The following NACA variants were observed in gnomAD, a reference collection of about 807,000 sequenced individuals.
NACA encodes the protein nascent polypeptide associated complex subunit alpha.
A neutral mutation model predicts 86.4 loss-of-function variants in NACA; 42 were observed. That is an observed-to-expected ratio of 0.49 (90% CI 0.38 to 0.63). The LOEUF is 0.63. Ranked by LOEUF, NACA falls within the 20% of genes least tolerant of loss-of-function variation. The pLI, the probability that NACA is intolerant of heterozygous loss-of-function variation, is 0.00. For synonymous variants in NACA, 898 were observed against 973.7 expected (o/e 0.92, Z 1.45); for missense variants, 2,157 against 2,483.6 (o/e 0.87, Z 2.80).
rs773393477 is a variant in NACA at position 56,717,657 on chromosome 12, A to C, written c.3873T>G (p.Val1291=). ...PPHKGAPNPA[V]VTPPSPKGGP... is the part of the protein sequence containing the mutation. ...CTCCTTTTGGAGAGGGAGGAGTTAC[A>C]ACTGCGGGATTGGGGGCCCCTTTGT... The change falls in exon 3 of 9, where the codon GTT becomes GTG. Residue 1291 remains valine, a synonymous_variant. Transcript: ENST00000454682. 4.2e-6 allele frequency: 5 copies of C among 1,182,760 alleles called. No individual in the cohort carries two copies. In the South Asian group the frequency reaches 1.1e-4, roughly 27 times the overall value. The allele number at this position is 1,182,760 out of a possible 1,614,324, so 73.3% of individuals were successfully genotyped here. A position where few individuals can be genotyped will look rare whatever the true frequency, so the allele number is the denominator to read the frequency against.
rs755445874 is a variant in NACA, at chr12:56,718,592, G to A, written c.2938C>T (p.Pro980Ser). The change falls in exon 3 of 9, where the codon CCA becomes TCA. Residue 980 changes from proline (P) to serine (S), a missense_variant. This residue lies in a region of NACA where 124 missense variants were observed against 186.5 expected (regional missense o/e 0.66). Coordinates refer to ENST00000454682, the MANE Select transcript of NACA (RefSeq NM_001365896.1). Reference protein sequence around the residue: ...PPSPKGGPATPSPKGAPTPPA... With the variant: ...PPSPKGGPATSSPKGAPTPPA... ...GGTGTGGGGGCCCCTTTGGGGGATG[G>A]AGTAGCTGGACCTCCTTTTGGGGAG... The A allele has an allele frequency of 1.3e-5, 17 of 1,315,006 alleles. No homozygotes were observed. Among genetic ancestry groups the A allele is most frequent in the Non-Finnish European group, 1.5e-5 (15 of 1,013,950 alleles). 81.5% of individuals were successfully genotyped at this position (1,315,006 alleles called of 1,614,324 possible).
chr12:56,721,305 C>T lies in NACA; in HGVS notation c.225G>A (p.Ser75=), dbSNP rs751815629. ...SPFPSPSTIA[S]TPLEVPFPQS... Reference sequence around the variant, plus strand: ...GGGGAAAAGGAACTTCTAAAGGGGTCGAGGCAATAGTAGAGGGGGAAGGGA... The same window carrying T: ...GGGGAAAAGGAACTTCTAAAGGGGTTGAGGCAATAGTAGAGGGGGAAGGGA... The change falls in exon 3 of 9, where the codon TCG becomes TCA. Residue 75 remains serine, a synonymous_variant. Transcript: ENST00000454682. The T allele has an allele frequency of 1.5e-5, 24 of 1,600,742 alleles. No homozygotes were observed. Among genetic ancestry groups the T allele is most frequent in the South Asian group, 8.9e-5 (8 of 89,708 alleles).
rs1020670499 is a variant in NACA, at chr12:56,721,340, C to A, written c.190G>T (p.Ala64Ser). ...GTAGAGGGGGAAGGGAATGGGGAAG[C>A]CTGGTTAGCAGCTGAGAGAGGGCAC... ...QQCPLSAANQASPFPSPSTIA... is the reference protein window; with the variant it reads ...QQCPLSAANQSSPFPSPSTIA... The change falls in exon 3 of 9, where the codon GCT becomes TCT. Residue 64 changes from alanine to serine, a missense_variant. This residue lies in a region of NACA where 947 missense variants were observed against 917.9 expected (regional missense o/e 1.03). Coordinates refer to ENST00000454682, the MANE Select transcript of NACA (RefSeq NM_001365896.1). The A allele has an allele frequency of 6.2e-7, 1 of 1,609,154 alleles. No individual in the cohort carries two copies. The highest frequency in any genetic ancestry group is 8.5e-7 in the Non-Finnish European group (1 of 1,178,102).
At chr12:56,722,809 G>C (rs568438540) in intron 2 of NACA, among the ~76,000 whole-genome samples, 4 of 141,908 alleles carry the variant, frequency 2.8e-5, no homozygotes, top group Non-Finnish European at 4.5e-5. Flanking sequence ...TGGCATGACA[G>C]TAAGACAGTA....
rs1266017039 is a variant in NACA at position 56,716,880 on chromosome 12, G to A, written c.4650C>T (p.Pro1550=). The part of the protein sequence containing the change: ...ATLAPKEALI[P]PAMTVPSPKK... ...TAGGGGAGGGAACAGTCATAGCTGGGGGAATGAGGGCCTCTTTGGGGGCTA... is the reference window on the plus strand; with the variant it reads ...TAGGGGAGGGAACAGTCATAGCTGGAGGAATGAGGGCCTCTTTGGGGGCTA... Residue 1550 remains proline (P), a synonymous_variant, in exon 3 of 9, where the codon CCC becomes CCT. Transcript: ENST00000454682. 1.5e-6 allele frequency: 2 copies of A among 1,318,910 alleles called. No individual in the cohort carries two copies. Among genetic ancestry groups the A allele is most frequent in the East Asian group, 3.3e-5 (1 of 30,628 alleles). 81.7% of individuals were successfully genotyped at this position (1,318,910 alleles called of 1,614,324 possible). A position where few individuals can be genotyped will look rare whatever the true frequency, so the allele number is the denominator to read the frequency against.
At chr12:56,723,393 G>T (rs968508268) in intron 2 of NACA, among the ~76,000 whole-genome samples, 3 of 152,162 alleles carry the variant, frequency 2.0e-5, no homozygotes, top group African/African-American at 7.2e-5. Flanking sequence ...GTTGTTCAAT[G>T]ACACAATCTC....
chr12:56,719,422 G>A lies in NACA; in HGVS notation c.2108C>T (p.Thr703Ile), dbSNP rs1472352074. 12 of 1,612,740 alleles carry A rather than the reference G, an allele frequency of 7.4e-6. No individual in the cohort carries two copies. Among genetic ancestry groups the A allele is most frequent in the Non-Finnish European group, 9.3e-6 (11 of 1,179,526 alleles). ...GTLTTLPLVP[T>I]ASENCPVAPS... ...AGCCACAGGGCAATTTTCTGAAGCT[G>A]TAGGAACCAAGGGTAAAGTAGTAAG... The change falls in exon 3 of 9, where the codon ACA (threonine) becomes ATA (isoleucine). Residue 703 changes from threonine to isoleucine, a missense_variant. By Grantham distance (89) the Thr-to-Ile change is moderately conservative. This residue lies in a region of NACA where 947 missense variants were observed against 917.9 expected (regional missense o/e 1.03). Transcript: ENST00000454682.
At position 56,719,696 on chromosome 12, in the gene NACA, GA is replaced by G; in HGVS notation, c.1833del (p.Leu612TrpfsTer9). The stretch of plus-strand genomic sequence containing the variant: ...ACAGAGGCCGAGGAGTTAACACCCA[GA>G]GGGGAGGTCATACTGCTGGCTGGCT... The part of the protein sequence containing the change: ...IGKPASSMTS[P>X]LGVNSSASVI... On this transcript the variant is annotated frameshift_variant, in exon 3 of 9. Coordinates refer to ENST00000454682, the MANE Select transcript of NACA (RefSeq NM_001365896.1). LOFTEE classifies it high-confidence loss of function. The G allele has an allele frequency of 6.2e-7, 1 of 1,613,934 alleles. No homozygotes were observed.
In NACA at chr12:56,720,343, G is replaced by A; in HGVS notation, c.1187C>T (p.Ser396Phe). ...AGAGGTAGCTACATTTAAGGAGCCA[G>A]AAGGGCTGCAGGTTATGCTAGAGAT... ...STISSITCSP[S>F]GSLNVATSFS... The change falls in exon 3 of 9, where the codon TCT becomes TTT. Residue 396 changes from serine to phenylalanine, a missense_variant. By Grantham distance (155) the Ser-to-Phe change is radical. This residue lies in a region of NACA where 947 missense variants were observed against 917.9 expected (regional missense o/e 1.03). Coordinates refer to ENST00000454682, the MANE Select transcript of NACA (RefSeq NM_001365896.1). 6.2e-7 allele frequency: 1 copy of A among 1,613,972 alleles called. No individual in the cohort carries two copies. The highest frequency in any genetic ancestry group is 8.5e-7 in the Non-Finnish European group (1 of 1,179,884).
Position 56,716,182 on chromosome 12 carries a change from G to A in NACA, c.5348C>T (p.Pro1783Leu). 6.2e-7 allele frequency: 1 copy of A among 1,613,732 alleles called. No homozygotes were observed. The highest frequency in any genetic ancestry group is 8.5e-7 in the Non-Finnish European group (1 of 1,179,872). Residue 1783 changes from proline (P) to leucine (L), a missense_variant, in exon 3 of 9, where the codon CCT (proline) becomes CTT (leucine). By Grantham distance (98) the Pro-to-Leu change is moderately conservative (BLOSUM62 -3). This residue lies in a region of NACA where 797 missense variants were observed against 777.6 expected (regional missense o/e 1.02). Transcript: ENST00000454682. ...AGAGACAGATGCTGATTCAGGTTTA[G>A]GAAGGACCTTCTCAAAGGCAGCTGC... Reference protein sequence around the residue: ...LTAAAFEKVLPKPESASVSAA... With the variant: ...LTAAAFEKVLLKPESASVSAA...
chr12:56,716,286 T>C lies in NACA; in HGVS notation c.5244A>G (p.Thr1748=), dbSNP rs1953358424. 1 of 1,613,278 alleles carries C rather than the reference T, an allele frequency of 6.2e-7. No individual in the cohort carries two copies. Residue 1748 remains threonine (T), a synonymous_variant, in exon 3 of 9, where the codon ACA becomes ACG. Coordinates refer to ENST00000454682, the MANE Select transcript of NACA (RefSeq NM_001365896.1). ...AATGAGAAGCATCTTTGCCTTTTGCTGTCTTTGAAGAGTCTTTCTGAACAG... is the reference window on the plus strand; with the variant it reads ...AATGAGAAGCATCTTTGCCTTTTGCCGTCTTTGAAGAGTCTTTCTGAACAG... ...LLPVQKDSSK[T]AKGKDASHSP...
intron 3 of NACA, 185 bp from the exon 4 acceptor site, chr12:56,714,872 C>A: frequency 1.7e-6 from 1 of 602,876 alleles, no homozygotes; most frequent in East Asian, 2.8e-5. Flanking sequence ...AGCGGGTACA[C>A]ATCTAGTAAA....
intron 1 of NACA, 97 bp downstream of exon 1, chr12:56,725,166 C>T (rs1271233731): frequency 6.6e-6 from 1 of 152,468 alleles, no homozygotes; most frequent in African/African-American, 2.4e-5. Context: ...CCCAGTAAAG[C>T]CTCCAACTCT....
Position 56,720,291 on chromosome 12 carries a change from G to A in NACA, c.1239C>T (p.Leu413=), listed in dbSNP as rs1953534987. The A allele has an allele frequency of 6.8e-6, 11 of 1,613,922 alleles. No individual in the cohort carries two copies. Among genetic ancestry groups the A allele is most frequent in the African/African-American group, 5.3e-5 (4 of 75,028 alleles). The stretch of plus-strand genomic sequence containing the variant: ...TGGCATTAGGAGAGCTTTTGAGAAT[G>A]AGAGAGGTTGTAGGAGATAATGAAA... ...TSFSLSPTTS[L]ILKSSPNATY... Residue 413 remains leucine (L), a synonymous_variant, in exon 3 of 9, where the codon CTC becomes CTT. Transcript: ENST00000454682.
chr12:56,723,229 T>C (rs1046828476), intron 2 of NACA, among the ~76,000 whole-genome samples: 1 of 152,228 alleles, frequency 6.6e-6, no homozygotes, highest in Non-Finnish European at 1.5e-5. Context: ...CATTGGTACT[T>C]CCTTAATATA....
chr12:56,713,299 G>A (rs1953264951), intron 6 of NACA, 109 bp from the exon 7 acceptor site: 1 of 1,367,186 alleles, frequency 7.3e-7, no homozygotes, highest in African/African-American at 1.5e-5. Flanking sequence ...TTATTGTACA[G>A]CTTTAAACTG....
chr12:56,718,624 G>A lies in NACA; in HGVS notation c.2906C>T (p.Thr969Ile), dbSNP rs770904079. ...PKWAPTPPAA[T>I]PPSPKGGPAT... is the part of the protein sequence containing the mutation. ...TGGACCTCCTTTTGGGGAGGGAGGA[G>A]TTGCAGCTGGGGGTGTGGGGGCCCA... The change falls in exon 3 of 9, where the codon ACT (threonine) becomes ATT (isoleucine). Residue 969 changes from threonine to isoleucine, a missense_variant. By Grantham distance (89) the Thr-to-Ile change is moderately conservative (BLOSUM62 -1). This residue lies in a region of NACA where 124 missense variants were observed against 186.5 expected (regional missense o/e 0.66). Coordinates refer to ENST00000454682, the MANE Select transcript of NACA (RefSeq NM_001365896.1). 7.7e-7 allele frequency: 1 copy of A among 1,304,702 alleles called. No homozygotes were observed. Among genetic ancestry groups the A allele is most frequent in the South Asian group, 1.4e-5 (1 of 69,730 alleles). 80.8% of individuals were successfully genotyped at this position (1,304,702 alleles called of 1,614,324 possible).
In NACA at chr12:56,716,327, G is replaced by A. The variant is rs1197503649; in HGVS notation, c.5203C>T (p.Pro1735Ser). The A allele has an allele frequency of 2.5e-6, 4 of 1,612,860 alleles. No individual in the cohort carries two copies. The Admixed American group carries it at 5.0e-5, about 20-fold the overall frequency. ...TTCTGAACAGGGAGTAGAGGGGCTG[G>A]AGCCACTGTGGAAAGGGGTCCTTTA... is the stretch of plus-strand genomic sequence containing the variant. ...GSKGPLSTVA[P>S]APLLPVQKDS... is the part of the protein sequence containing the mutation. The change falls in exon 3 of 9, where the codon CCA becomes TCA. Residue 1735 changes from proline (P) to serine (S), a missense_variant. By Grantham distance (74) the Pro-to-Ser change is moderately conservative (BLOSUM62 -1). Coordinates refer to ENST00000454682, the MANE Select transcript of NACA (RefSeq NM_001365896.1).
Position 56,719,314 on chromosome 12 carries a change from A to G in NACA, c.2216T>C (p.Leu739Pro). The change falls in exon 3 of 9, where the codon CTT becomes CCT. Residue 739 changes from leucine (L) to proline (P), a missense_variant. Coordinates refer to ENST00000454682, the MANE Select transcript of NACA (RefSeq NM_001365896.1). ...EIPKSVPSPS[L>P]PPAGTPPGTK... is the part of the protein sequence containing the mutation. ...ACCTGGAGGAGTCCCAGCTGGGGGAAGAGAGGGTGAGGGCACAGACTTTGG... is the reference window on the plus strand; with the variant it reads ...ACCTGGAGGAGTCCCAGCTGGGGGAGGAGAGGGTGAGGGCACAGACTTTGG... The G allele has an allele frequency of 6.2e-7, 1 of 1,600,238 alleles. No individual in the cohort carries two copies.
Sources: allele counts gnomAD v4.1 joint callset (sites outside exome capture counted in the v4.1 genomes callset), GRCh38; gene constraint gnomAD v4.1.1; regional missense constraint gnomAD v4.1.1; transcripts MANE v1.5; gene names NCBI Gene and HGNC (gene_info 2026-07-23, HGNC 2026-07-21).